Variants in MAGI2 observed in about 807,000 individuals in gnomAD.
The protein encoded by MAGI2 is membrane associated guanylate kinase, WW and PDZ domain containing 2.
MAGI2 carries 35 observed loss-of-function variants against 133.3 expected under a neutral mutation model. The observed-to-expected ratio is 0.26, with a 90% confidence interval of 0.20 to 0.35. The LOEUF (loss-of-function observed/expected upper bound fraction) is 0.35. Among genes scored for constraint, MAGI2 ranks in the 10% least tolerant of loss-of-function variants. The pLI, the probability that MAGI2 is intolerant of heterozygous loss-of-function variation, is 1.00. For synonymous variants in MAGI2, 729 were observed against 710.6 expected (o/e 1.03, Z -0.41); for missense variants, 1,636 against 1,863.4 (o/e 0.88, Z 2.25).
At chr7:78,804,332 C>T (rs1788327288) in intron 2 of MAGI2, among the ~76,000 whole-genome samples, 1 of 151,110 alleles carries the variant, frequency 6.6e-6, no homozygotes, top group South Asian at 2.1e-4. Context: ...GGGAAAAGTA[C>T]AAATATCTTA....
intron 10 of MAGI2, among the ~76,000 whole-genome samples, chr7:78,224,420 C>T (rs939908922): frequency 1.3e-5 from 2 of 152,080 alleles, no homozygotes; most frequent in Non-Finnish European, 2.9e-5. Context: ...AATCCCAGCA[C>T]TTTGGGAGGC....
intron 1 of MAGI2, among the ~76,000 whole-genome samples, chr7:79,117,042 A>G (rs1479668796): frequency 6.6e-6 from 1 of 152,326 alleles, no homozygotes; most frequent in East Asian, 1.9e-4. Flanking sequence ...TGCAGTAAGA[A>G]ACTAACTCAA....
chr7:78,819,734 C>T (rs1789925400), intron 2 of MAGI2, among the ~76,000 whole-genome samples: 1 of 151,944 alleles, frequency 6.6e-6, no homozygotes, highest in South Asian at 2.1e-4. Context: ...TCATAAAGAT[C>T]TTAAAATGTT....
At chr7:78,384,526 T>G (rs1262105398) in intron 6 of MAGI2, among the ~76,000 whole-genome samples, 3 of 152,188 alleles carry the variant, frequency 2.0e-5, no homozygotes, top group Non-Finnish European at 1.5e-5. Flanking sequence ...TCATCACAAT[T>G]GATTTAAATA....
intron 3 of MAGI2, among the ~76,000 whole-genome samples, chr7:78,606,898 A>G (rs1480833297): frequency 1.3e-5 from 2 of 152,096 alleles, no homozygotes; most frequent in African/African-American, 4.8e-5. Context: ...TCTTCCATCA[A>G]AAAAAGACCT....
chr7:78,976,216 T>A (rs991811093), intron 2 of MAGI2, among the ~76,000 whole-genome samples: 2 of 151,528 alleles, frequency 1.3e-5, no homozygotes, highest in Non-Finnish European at 1.5e-5. Context: ...ATGTATAAAA[T>A]AAGTTATAAA....
chr7:78,319,200 G>T (rs1787735817), intron 9 of MAGI2, among the ~76,000 whole-genome samples: 1 of 152,210 alleles, frequency 6.6e-6, no homozygotes. Context: ...AGACTCATCA[G>T]TGTGCTGTAT....
intron 1 of MAGI2, among the ~76,000 whole-genome samples, chr7:79,101,723 CAA>C (rs376256842): frequency 2.5e-3 from 284 of 112,752 alleles, no homozygotes; most frequent in Middle Eastern, 0.011. Flanking sequence ...GACTCTGTCA[CAA>C]AAAAAAAAAA....
intron 1 of MAGI2, among the ~76,000 whole-genome samples, chr7:79,022,654 A>AAAG (rs1220280635): frequency 6.6e-6 from 1 of 151,552 alleles, no homozygotes; most frequent in Non-Finnish European, 1.5e-5. Context: ...TCCAAAAAAA[A>AAAG]AAAAAAAACC....
At chr7:78,203,805 T>G (rs1829487574) in intron 10 of MAGI2, among the ~76,000 whole-genome samples, 1 of 152,220 alleles carries the variant, frequency 6.6e-6, no homozygotes, top group African/African-American at 2.4e-5. Context: ...TGAAAAACAT[T>G]TATTTTGGAT....
intron 10 of MAGI2, among the ~76,000 whole-genome samples, chr7:78,236,603 C>G (rs962078131): frequency 1.3e-5 from 2 of 152,158 alleles, no homozygotes; most frequent in Admixed American, 6.5e-5. Context: ...AGAACAATTA[C>G]TTACATTTAT....
chr7:78,217,476 G>T (rs1174069024), intron 10 of MAGI2, among the ~76,000 whole-genome samples: 1 of 152,164 alleles, frequency 6.6e-6, no homozygotes, highest in Non-Finnish European at 1.5e-5. Context: ...TCTCTGTGGT[G>T]TATCTCTCAT....
chr7:78,724,522 C>G (rs918100694), intron 2 of MAGI2, among the ~76,000 whole-genome samples: 1 of 152,128 alleles, frequency 6.6e-6, no homozygotes, highest in Non-Finnish European at 1.5e-5. Flanking sequence ...CAGAACCCAA[C>G]TGTCTCACAA....
Position 78,019,534 on chromosome 7 carries a change from C to T in MAGI2, c.4149G>A (p.Pro1383=), listed in dbSNP as rs1158964466. 8 of 980,356 alleles carry T rather than the reference C, an allele frequency of 8.2e-6. No individual in the cohort carries two copies. The highest frequency in any genetic ancestry group is 6.4e-5 in the Admixed American group (1 of 15,724). The allele number at this position is 980,356 out of a possible 1,614,324, so 60.7% of individuals were successfully genotyped here. The part of the protein sequence containing the change: ...AGSELCRREG[P]GAAPAFAGPG... ...GGCCGGCAAACGCCGGCGCAGCCCC[C>T]GGGCCTTCGCGCCGGCAGAGCTCGG... is the stretch of plus-strand genomic sequence containing the variant. The change falls in exon 22 of 22, where the codon CCG becomes CCA. Residue 1383 remains proline, a synonymous_variant. Coordinates refer to ENST00000354212, the MANE Select transcript of MAGI2 (RefSeq NM_012301.4).
At chr7:78,765,343 CTTTTTTT>C (rs10672746) in intron 2 of MAGI2, among the ~76,000 whole-genome samples, 2 of 89,056 alleles carry the variant, frequency 2.2e-5, no homozygotes, top group South Asian at 4.6e-4. Context: ...TAGTGCACAT[CTTTTTTT>C]TTTTTTTTTT....
chr7:79,018,467 C>G (rs1465220352), intron 1 of MAGI2, among the ~76,000 whole-genome samples: 1 of 152,132 alleles, frequency 6.6e-6, no homozygotes, highest in African/African-American at 2.4e-5. Flanking sequence ...AGACTAGTGA[C>G]ACTATAAAGC....
intron 1 of MAGI2, among the ~76,000 whole-genome samples, chr7:79,171,770 A>ATATATATATATATATTTTTTTTT: frequency 3.8e-4 from 12 of 31,216 alleles, no homozygotes; most frequent in African/African-American, 4.5e-4. Flanking sequence ...ATATATATAT[A>ATATATATATATATATTTTTTTTT]TTTTTTTTTT....
intron 12 of MAGI2, among the ~76,000 whole-genome samples, chr7:78,193,466 G>T (rs952061687): frequency 6.6e-6 from 1 of 152,098 alleles, no homozygotes; most frequent in Admixed American, 6.5e-5. Flanking sequence ...ACTCATCTTT[G>T]GTATCTCCTC....
intron 1 of MAGI2, among the ~76,000 whole-genome samples, chr7:79,241,701 A>G (rs998307622): frequency 6.6e-6 from 1 of 152,144 alleles, no homozygotes; most frequent in African/African-American, 2.4e-5. Flanking sequence ...ATGCCTTTCT[A>G]TAATTGTTTA....
Sources: allele counts gnomAD v4.1 joint callset (sites outside exome capture counted in the v4.1 genomes callset), GRCh38; gene constraint gnomAD v4.1.1; transcripts MANE v1.5; gene names NCBI Gene and HGNC (gene_info 2026-07-23, HGNC 2026-07-21).